NPHP4: variants seen among roughly 807,000 people sequenced by gnomAD.
The protein encoded by NPHP4 is nephrocystin 4.
A neutral mutation model predicts 155.8 loss-of-function variants in NPHP4; 151 were observed. The ratio of observed to expected loss-of-function variants is 0.97; its 90% CI spans 0.85 to 1.11. NPHP4 has a LOEUF of 1.11. NPHP4 is among the 50% of genes least tolerant of loss of function. NPHP4 has a pLI of 0.00. For missense variants in NPHP4, 1,956 were observed against 1,925.7 expected (o/e 1.02, Z -0.29); for synonymous variants, 845 against 816.8 (o/e 1.03, Z -0.59).
intron 23 of NPHP4, among the ~76,000 whole-genome samples, chr1:5,869,831 A>G (rs1641815495): frequency 6.6e-6 from 1 of 152,238 alleles, no homozygotes; most frequent in Non-Finnish European, 1.5e-5. Flanking sequence ...TAGGTTTCTC[A>G]TGAGCAGAAA....
intron 9 of NPHP4, among the ~76,000 whole-genome samples, chr1:5,936,353 G>A (rs969643988): frequency 6.6e-5 from 10 of 152,162 alleles, no homozygotes; most frequent in Non-Finnish European, 1.0e-4. Flanking sequence ...CGGCAGACAG[G>A]AACTGCCCGA....
intron 11 of NPHP4, among the ~76,000 whole-genome samples, chr1:5,917,709 A>G (rs1325180628): frequency 6.6e-6 from 1 of 152,198 alleles, no homozygotes; most frequent in Non-Finnish European, 1.5e-5. Flanking sequence ...AGCTGCTTCA[A>G]TGATAAGACT....
chr1:5,907,004 G>A (rs9628990), intron 13 of NPHP4, 111 bp downstream of exon 13: 12 of 540,262 alleles, frequency 2.2e-5, no homozygotes, highest in East Asian at 1.3e-4. Flanking sequence ...CAGGTAACCC[G>A]CCAAGGTCTC....
chr1:5,947,890 G>A (rs1057444974), intron 8 of NPHP4, among the ~76,000 whole-genome samples, 180 bp downstream of exon 8: 1 of 152,086 alleles, frequency 6.6e-6, no homozygotes, highest in African/African-American at 2.4e-5. Flanking sequence ...AAAAGGGGGG[G>A]GCTTTTTCCA....
chr1:5,890,778 G>T lies in NPHP4; in HGVS notation c.2304+90C>A. 7.7e-7 allele frequency: 1 copy of T among 1,299,138 alleles called. No homozygotes were observed. The highest frequency in any genetic ancestry group is 1.1e-6 in the Non-Finnish European group (1 of 930,828). 80.5% of individuals were successfully genotyped at this position (1,299,138 alleles called of 1,614,324 possible). ...ACAAGTCCTGTGCGGGATAGCGCCC[G>T]CTCCTTCCAAGCAGACAGACGCTGG... On this transcript the variant is annotated intron_variant, in intron 17 of 29. Transcript: ENST00000378156. This position sits in a 1 kb window ranked among gnomAD's most constrained non-coding sequence, Gnocchi z 4.9.
chr1:5,935,747 C>T (rs985472464), intron 9 of NPHP4, among the ~76,000 whole-genome samples: 9 of 152,278 alleles, frequency 5.9e-5, no homozygotes, highest in Admixed American at 2.0e-4. Context: ...TGGTTGTAGG[C>T]ACCTGTAATC....
chr1:5,874,381 A>G, intron 22 of NPHP4, 90 bp downstream of exon 22: 1 of 1,250,146 alleles, frequency 8.0e-7, no homozygotes, highest in Non-Finnish European at 1.1e-6. Flanking sequence ...TGCACAGGTA[A>G]GGGAGGGACA....
chr1:5,888,133 G>A (rs115950443), intron 17 of NPHP4, among the ~76,000 whole-genome samples: 2,257 of 152,324 alleles, frequency 0.015, 17 homozygotes, highest in Middle Eastern at 0.058. Context: ...ATGCCAGGCC[G>A]AGGCTGCTCG....
intron 9 of NPHP4, among the ~76,000 whole-genome samples, chr1:5,945,121 A>T (rs564487650): frequency 6.6e-6 from 1 of 152,248 alleles, no homozygotes; most frequent in Non-Finnish European, 1.5e-5. Flanking sequence ...GTTTCAGCAT[A>T]CAGATGTCAT....
chr1:5,909,224 G>A lies in NPHP4; in HGVS notation c.1442-11C>T. The A allele has an allele frequency of 6.3e-7, 1 of 1,597,736 alleles. No individual in the cohort carries two copies. The highest frequency in any genetic ancestry group is 1.1e-5 in the South Asian group (1 of 87,954). ...CTGGCGCTGGCGGGCCTGGGAGGAA[G>A]CACAGTGGGGTAGGAGAGGGAATGT... On this transcript the variant is annotated splice_polypyrimidine_tract_variant and intron_variant, in intron 11 of 29. Transcript: ENST00000378156.
At chr1:5,969,383 T>C (rs567402506) in intron 3 of NPHP4, 124 bp from the exon 4 acceptor site, 2 of 542,934 alleles carry the variant, frequency 3.7e-6, no homozygotes, top group East Asian at 2.9e-5. Flanking sequence ...CCCTCTACCA[T>C]GCCCTCATGT....
rs74224507 is a variant in NPHP4 at position 5,912,917 on chromosome 1, T to C, written c.1442-3704A>G. Among the ~76,000 whole-genome samples the C allele has an allele frequency of 3.3e-3, 495 of 152,184 alleles. 15 individuals are homozygous for C. In the East Asian group the frequency reaches 0.071, roughly 22 times the overall value. On this transcript the variant is annotated intron_variant, in intron 11 of 29. Transcript: ENST00000378156. ...GGCTGAGCCACCACAGGACCCTGGT[T>C]TCAGGGAAATAACCTGGCGTTAAGA...
At chr1:5,863,777 CT>C in intron 29 of NPHP4, 112 bp downstream of exon 29, 1 of 1,202,844 alleles carries the variant, frequency 8.3e-7, no homozygotes. Context: ...CGCCCTGGGG[CT>C]TTTGGAAGAC....
Position 5,986,147 on chromosome 1 carries a change from T to C in NPHP4, c.135+8A>G. On this transcript the variant is annotated splice_region_variant and intron_variant, in intron 2 of 29. Transcript: ENST00000378156. ...TAACACGCATTTGCTAACAGCACATTTTGTTACCTGCCTAATTACCGGTCC... is the reference window on the plus strand; with the variant it reads ...TAACACGCATTTGCTAACAGCACATCTTGTTACCTGCCTAATTACCGGTCC... 6.2e-7 allele frequency: 1 copy of C among 1,613,700 alleles called. No homozygotes were observed. The highest frequency in any genetic ancestry group is 8.5e-7 in the Non-Finnish European group (1 of 1,179,810).
intron 22 of NPHP4, chr1:5,873,643 G>C: frequency 2.1e-6 from 1 of 475,722 alleles, no homozygotes; most frequent in Non-Finnish European, 3.7e-6. Context: ...GAGCCTCTAG[G>C]GACATCTCAA....
rs1640810708 is a variant in NPHP4, at chr1:5,863,160, C to G, written c.*105G>C. 2 of 1,293,276 alleles carry G rather than the reference C, an allele frequency of 1.5e-6. No individual in the cohort carries two copies. Among genetic ancestry groups the G allele is most frequent in the Non-Finnish European group, 2.2e-6 (2 of 891,564 alleles). The allele number at this position is 1,293,276 out of a possible 1,614,324, so 80.1% of individuals were successfully genotyped here. A position where few individuals can be genotyped will look rare whatever the true frequency, so the allele number is the denominator to read the frequency against. On this transcript the variant is annotated 3_prime_UTR_variant, in exon 30 of 30. Transcript: ENST00000378156. ...AGTGCACAGGTCAGCCAGGTGGGCA[C>G]TGAAGTGAAAGGCTGCAGAGAGGCG...
chr1:5,950,103 AATTACACTTC>A (rs1221328762), intron 7 of NPHP4, among the ~76,000 whole-genome samples: 1 of 152,160 alleles, frequency 6.6e-6, no homozygotes, highest in Non-Finnish European at 1.5e-5. Flanking sequence ...CTAAAAGTCC[AATTACACTTC>A]ATCTTACCCA....
intron 3 of NPHP4, among the ~76,000 whole-genome samples, chr1:5,974,685 G>GA (rs141487146): frequency 6.8e-4 from 99 of 144,938 alleles, no homozygotes; most frequent in South Asian, 5.1e-3. Flanking sequence ...ATCATTTGCA[G>GA]AAAAAAAAAA....
At position 5,887,215 on chromosome 1, in the gene NPHP4, G is replaced by A. The variant is rs375533441; in HGVS notation, c.2485+71C>T. On this transcript the variant is annotated intron_variant, in intron 18 of 29. Transcript: ENST00000378156. ...GAAGCCCATGATGTGGCCCCTGCCC[G>A]AGGGAGCCCACACTCTACCAGAGGG... 187 of 1,426,246 alleles carry A rather than the reference G, an allele frequency of 1.3e-4. 1 individual carries two copies. Among genetic ancestry groups the A allele is most frequent in the African/African-American group, 2.0e-4 (14 of 70,792 alleles). 88.3% of individuals were successfully genotyped at this position (1,426,246 alleles called of 1,614,324 possible). A position where few individuals can be genotyped will look rare whatever the true frequency, so the allele number is the denominator to read the frequency against.
Sources: gnomAD v4.1 joint callset for allele counts (sites outside exome capture counted in the v4.1 genomes callset) on GRCh38, gnomAD v4.1.1 for gene constraint, Gnocchi (gnomAD v3.1) non-coding constraint, MANE v1.5 for transcripts, NCBI Gene and HGNC (gene_info 2026-07-23, HGNC 2026-07-21) for gene names.